Variants in AP3M1 observed in about 807,000 individuals in gnomAD.
AP3M1 encodes the protein adaptor related protein complex 3 subunit mu 1.
A neutral mutation model predicts 42.6 loss-of-function variants in AP3M1; 29 were observed. The observed-to-expected ratio is 0.68, with a 90% confidence interval of 0.51 to 0.93. The LOEUF (loss-of-function observed/expected upper bound fraction) is 0.93, where lower values mean the gene tolerates loss of function less well. Ranked by LOEUF, AP3M1 falls within the 40% of genes least tolerant of loss-of-function variation. The pLI, the probability that AP3M1 is intolerant of heterozygous loss-of-function variation, is 0.00. For synonymous variants in AP3M1, 178 were observed against 175.3 expected (o/e 1.02, Z -0.12); for missense variants, 416 against 510.2 (o/e 0.82, Z 1.78).
chr10:74,135,257 T>A (rs1024802495), intron 3 of AP3M1, among the ~76,000 whole-genome samples: 1 of 152,230 alleles, frequency 6.6e-6, no homozygotes, highest in Non-Finnish European at 1.5e-5. Context: ...GCTAAAGGGA[T>A]TAATAAAACT....
At chr10:74,132,409 G>C (rs1455947859) in intron 4 of AP3M1, among the ~76,000 whole-genome samples, 3 of 152,064 alleles carry the variant, frequency 2.0e-5, no homozygotes. Context: ...AAGATAATCA[G>C]ATTGGGTGTG....
intron 1 of AP3M1, among the ~76,000 whole-genome samples, chr10:74,139,107 T>G (rs1841042894): frequency 6.6e-6 from 1 of 151,778 alleles, no homozygotes; most frequent in South Asian, 2.1e-4. Context: ...ACCAGGGCAA[T>G]TAAGCAAGAA....
intron 1 of AP3M1, among the ~76,000 whole-genome samples, chr10:74,142,961 G>A (rs1242140314): frequency 6.6e-6 from 1 of 152,204 alleles, no homozygotes; most frequent in African/African-American, 2.4e-5. Flanking sequence ...GTGGAGCACT[G>A]TAATCCACAA....
At chr10:74,134,642 A>G (rs1201668829) in intron 3 of AP3M1, among the ~76,000 whole-genome samples, 3 of 152,226 alleles carry the variant, frequency 2.0e-5, no homozygotes, top group Non-Finnish European at 4.4e-5. Flanking sequence ...TAAGGTCAGC[A>G]TACCCATACG....
intron 2 of AP3M1, 21 bp downstream of exon 2, chr10:74,138,086 A>G (rs1036369751): frequency 5.0e-6 from 8 of 1,598,146 alleles, no homozygotes; most frequent in Middle Eastern, 1.7e-4. Flanking sequence ...TTAACTTAGA[A>G]AGGTATGATA....
At chr10:74,132,795 T>C (rs1243566489) in intron 4 of AP3M1, among the ~76,000 whole-genome samples, 1 of 151,842 alleles carries the variant, frequency 6.6e-6, no homozygotes, top group Non-Finnish European at 1.5e-5. Context: ...AAAAGCATGG[T>C]ATATAGCAGA....
chr10:74,143,452 G>A (rs940087256), intron 1 of AP3M1, among the ~76,000 whole-genome samples: 4 of 152,274 alleles, frequency 2.6e-5, no homozygotes, highest in Admixed American at 6.5e-5. Flanking sequence ...GTTTCACCAT[G>A]TTGGCCTCAA....
chr10:74,132,037 T>C (rs1840793183), intron 4 of AP3M1, among the ~76,000 whole-genome samples: 1 of 152,060 alleles, frequency 6.6e-6, no homozygotes, highest in Non-Finnish European at 1.5e-5. Context: ...TTTTTCTTTT[T>C]TCTTTTTTTG....
intron 1 of AP3M1, among the ~76,000 whole-genome samples, chr10:74,141,547 T>C (rs1411755133): frequency 6.6e-6 from 1 of 152,140 alleles, no homozygotes; most frequent in Non-Finnish European, 1.5e-5. Flanking sequence ...GTTGAATAAA[T>C]GAAGCCAGAT....
chr10:74,140,236 C>T (rs968892177), intron 1 of AP3M1, among the ~76,000 whole-genome samples: 3 of 152,208 alleles, frequency 2.0e-5, no homozygotes, highest in Non-Finnish European at 2.9e-5. Flanking sequence ...GGATCTGGGG[C>T]GAGATGGCTG....
Position 74,138,181 on chromosome 10 carries a change from C to A in AP3M1, c.199G>T (p.Val67Leu), listed in dbSNP as rs1239375943. ...ISIYRDKLFFVSVIQTEVPPL... is the reference protein window; with the variant it reads ...ISIYRDKLFFLSVIQTEVPPL... ...GGCACTTCGGTCTGTATGACAGATA[C>A]AAAGAAGAGCTTATCCCGGTAGATA... Residue 67 changes from valine (V) to leucine (L), a missense_variant, in exon 2 of 9, where the codon GTA (valine) becomes TTA (leucine). Val to Leu is a conservative substitution (Grantham distance 32). Transcript: ENST00000355264. 1.2e-6 allele frequency: 2 copies of A among 1,614,120 alleles called. No individual in the cohort carries two copies. Among genetic ancestry groups the A allele is most frequent in the Non-Finnish European group, 1.7e-6 (2 of 1,180,024 alleles).
At chr10:74,144,364 A>G (rs1445860166) in intron 1 of AP3M1, among the ~76,000 whole-genome samples, 2 of 151,866 alleles carry the variant, frequency 1.3e-5, no homozygotes, top group African/African-American at 4.8e-5. Context: ...TCCAGAGCCC[A>G]AGCGATCCTC....
chr10:74,126,325 A>G lies in AP3M1; in HGVS notation c.834T>C (p.His278=), dbSNP rs377712494. 4 of 1,614,006 alleles carry G rather than the reference A, an allele frequency of 2.5e-6. No homozygotes were observed. The highest frequency in any genetic ancestry group is 2.2e-5 in the East Asian group (1 of 44,892). The part of the protein sequence containing the change: ...NLVAIPVYVK[H]SISFKENSSC... ...AACTGTTCTCCTTAAAGCTGATACT[A>G]TGTTTCACATACACTGGTATTGCCA... The change falls in exon 7 of 9, where the codon CAT becomes CAC. Residue 278 remains histidine (H), a synonymous_variant. Transcript: ENST00000355264.
chr10:74,125,482 G>A (rs541461325), intron 7 of AP3M1, among the ~76,000 whole-genome samples: 1 of 152,320 alleles, frequency 6.6e-6, no homozygotes, highest in Non-Finnish European at 1.5e-5. Context: ...TGGTCTCCAG[G>A]AGGAGGTTCT....
rs564601085 is a variant in AP3M1 at position 74,131,456 on chromosome 10, C to A, written c.584-1464G>T. ...TGCTGGGATTACAGGTGTGAGCCAC[C>A]GCGCCCGGCTTCAATAGAATTTTAA... On this transcript the variant is annotated intron_variant, in intron 4 of 8. Transcript: ENST00000355264. Among the ~76,000 whole-genome samples the A allele has an allele frequency of 9.2e-5, 14 of 152,090 alleles. 1 individual carries two copies. The South Asian group carries it at 2.9e-3, about 32-fold the overall frequency.
chr10:74,126,187 T>G lies in AP3M1; in HGVS notation c.972A>C (p.Thr324=). 6.2e-7 allele frequency: 1 copy of G among 1,614,150 alleles called. No homozygotes were observed. The highest frequency in any genetic ancestry group is 8.5e-7 in the Non-Finnish European group (1 of 1,180,028). ...CAAATGTATAGCTGCCTTGTGTGGG[T>G]GTCAGGTTCATGTTCAGCACAACTT... ...MPKVVLNMNL[T]PTQGSYTFDP... is the part of the protein sequence containing the mutation. Residue 324 remains threonine, a synonymous_variant, in exon 7 of 9, where the codon ACA becomes ACC. Transcript: ENST00000355264.
chr10:74,127,472 CCTCT>C (rs780441640), intron 6 of AP3M1, among the ~76,000 whole-genome samples: 14 of 151,366 alleles, frequency 9.2e-5, no homozygotes, highest in African/African-American at 2.4e-4. Context: ...GGTGAAATCC[CCTCT>C]CTAATAAAAA....
chr10:74,126,755 G>A (rs888179803), intron 6 of AP3M1, among the ~76,000 whole-genome samples: 1 of 151,602 alleles, frequency 6.6e-6, no homozygotes, highest in African/African-American at 2.4e-5. Context: ...TTGGGAGGCT[G>A]AGGTGAGGAG....
intron 1 of AP3M1, among the ~76,000 whole-genome samples, chr10:74,145,378 T>A (rs531253828): frequency 6.6e-6 from 1 of 152,238 alleles, no homozygotes; most frequent in East Asian, 1.9e-4. Flanking sequence ...AGTGCTGAGA[T>A]GAAAGCATAA....
Sources: allele counts gnomAD v4.1 joint callset (sites outside exome capture counted in the v4.1 genomes callset), GRCh38; gene constraint gnomAD v4.1.1; transcripts MANE v1.5; gene names NCBI Gene and HGNC (gene_info 2026-07-23, HGNC 2026-07-21).